DSCAM: variants seen among roughly 807,000 people sequenced by gnomAD.
The protein encoded by DSCAM is cell adhesion molecule DSCAM.
In DSCAM, 47 loss-of-function variants were observed where a neutral mutation model predicts 217.7. The observed-to-expected ratio is 0.22, with a 90% CI of 0.17 to 0.28. DSCAM has a LOEUF of 0.28. Among genes scored for constraint, DSCAM ranks in the 10% least tolerant of loss-of-function variants. The pLI is 1.00. For missense variants in DSCAM, 2,080 were observed against 2,618.3 expected (o/e 0.79, Z 4.49); for synonymous variants, 1,056 against 1,015.3 (o/e 1.04, Z -0.76).
intron 11 of DSCAM, among the ~76,000 whole-genome samples, chr21:40,250,647 C>T (rs999157781): frequency 6.6e-6 from 1 of 152,184 alleles, no homozygotes; most frequent in African/African-American, 2.4e-5. Context: ...AGGCAGCCCT[C>T]ACATTAAGAC....
chr21:40,197,897 T>C lies in DSCAM; in HGVS notation c.2357-8659A>G, dbSNP rs144898615. Among the ~76,000 whole-genome samples, 14 of 152,338 alleles carry C rather than the reference T, an allele frequency of 9.2e-5. No homozygotes were observed. In the East Asian group the frequency reaches 2.1e-3, roughly 23 times the overall value. On this transcript the variant is annotated intron_variant, in intron 11 of 32. Transcript: ENST00000400454. ...ATCTAGAAGGAGAATCCAGGTCTTC[T>C]GATTCCAAGTGCAAAGCCTCTTTCC...
intron 2 of DSCAM, among the ~76,000 whole-genome samples, chr21:40,708,030 C>A (rs73903008): frequency 6.6e-6 from 1 of 152,064 alleles, no homozygotes; most frequent in African/African-American, 2.4e-5. Context: ...AACAGTACAT[C>A]TTGATGCTAT....
At chr21:40,632,672 G>A (rs142806329) in intron 3 of DSCAM, among the ~76,000 whole-genome samples, 18 of 152,264 alleles carry the variant, frequency 1.2e-4, no homozygotes, top group African/African-American at 3.6e-4. Flanking sequence ...TTGCTTAGTC[G>A]GAAAATGCAA....
Position 40,339,361 on chromosome 21 carries a change from T to A in DSCAM, c.1265A>T (p.Glu422Val). 1.2e-6 allele frequency: 2 copies of A among 1,613,586 alleles called. No individual in the cohort carries two copies. Among genetic ancestry groups the A allele is most frequent in the Non-Finnish European group, 1.7e-6 (2 of 1,179,842 alleles). ...AFSEKVVSPA[E>V]PVSLMCNVKG... ...CACGTTGCACATAAGGGAAACCGGC[T>A]CTGCTGGACTCACCACCTTTTCACT... Residue 422 changes from glutamate (E) to valine (V), a missense_variant, in exon 7 of 33, where the codon GAG (glutamate) becomes GTG (valine). Glu to Val is a moderately radical substitution (Grantham distance 121, BLOSUM62 -2). Around this residue, in one of 5 missense-constraint regions of DSCAM, gnomAD observed 568 missense variants for 678.1 expected, o/e 0.84. Transcript: ENST00000400454.
intron 18 of DSCAM, among the ~76,000 whole-genome samples, 165 bp from the exon 19 acceptor site, chr21:40,134,174 C>T (rs1490885256): frequency 6.6e-6 from 1 of 152,196 alleles, no homozygotes; most frequent in Non-Finnish European, 1.5e-5. Flanking sequence ...CCTGTGAGCT[C>T]ATGGTGTCAC....
At chr21:40,606,778 C>A (rs2089245224) in intron 3 of DSCAM, among the ~76,000 whole-genome samples, 1 of 152,206 alleles carries the variant, frequency 6.6e-6, no homozygotes, top group Non-Finnish European at 1.5e-5. Context: ...TGTGTCATCA[C>A]CCAAAACTTA....
At chr21:40,709,514 G>T (rs772368548) in intron 1 of DSCAM, among the ~76,000 whole-genome samples, 28 of 151,746 alleles carry the variant, frequency 1.8e-4, no homozygotes, top group Admixed American at 6.6e-4. Context: ...AACAGGCCCC[G>T]GTGTGTGATG....
chr21:40,278,909 T>C (rs1371663153), intron 10 of DSCAM, among the ~76,000 whole-genome samples: 2 of 152,214 alleles, frequency 1.3e-5, no homozygotes, highest in Non-Finnish European at 2.9e-5. Flanking sequence ...CAAATTTGAA[T>C]TGTGGCCCAT....
At position 40,843,367 on chromosome 21, in the gene DSCAM, CATGT is replaced by C. The variant is rs1251280534; in HGVS notation, c.43+3248_43+3251del. Among the ~76,000 whole-genome samples the C allele has an allele frequency of 2.9e-5, 3 of 104,354 alleles. 1 individual carries two copies. Among genetic ancestry groups the C allele is most frequent in the Non-Finnish European group, 5.6e-5 (3 of 53,976 alleles). The allele number at this position is 104,354 out of a possible 152,430, so 68.5% of individuals were successfully genotyped here. On this transcript the variant is annotated intron_variant, in intron 1 of 32. Transcript: ENST00000400454. ...GAAAAGATGATGTCAGGAATGCATG[CATGT>C]GTGTGTGTGTGTGTGTGTGTGTGTG...
intron 3 of DSCAM, among the ~76,000 whole-genome samples, chr21:40,620,894 A>G (rs1291127622): frequency 2.0e-5 from 3 of 152,236 alleles, no homozygotes; most frequent in Non-Finnish European, 4.4e-5. Flanking sequence ...TTCCATTTAT[A>G]CAAGGGAATA....
At chr21:40,021,627 T>C (rs1328851335) in intron 32 of DSCAM, among the ~76,000 whole-genome samples, 4 of 152,230 alleles carry the variant, frequency 2.6e-5, no homozygotes, top group Non-Finnish European at 5.9e-5. Context: ...TTTTGCTTTC[T>C]TATTTGACAT....
intron 3 of DSCAM, among the ~76,000 whole-genome samples, chr21:40,489,793 A>AG (rs1178462695): frequency 1.3e-5 from 2 of 150,572 alleles, no homozygotes; most frequent in Non-Finnish European, 3.0e-5. Context: ...AAAAAAAAAA[A>AG]AAAAAAAATA....
chr21:40,824,403 A>ATTTTTTTTTTTTTTTTTTTTTTTTTT (rs536114434), intron 1 of DSCAM, among the ~76,000 whole-genome samples: 4 of 121,030 alleles, frequency 3.3e-5, no homozygotes, highest in African/African-American at 7.0e-5. Flanking sequence ...TTTATTATTG[A>ATTTTTTTTTTTTTTTTTTTTTTTTTT]TTTTTTTTTT....
Position 40,234,469 on chromosome 21 carries a change from C to T in DSCAM, c.2356+41628G>A, listed in dbSNP as rs73368120. 3.2e-3 allele frequency among the ~76,000 whole-genome samples: 491 copies of T among 152,290 alleles called. 2 individuals are homozygous for T. Among genetic ancestry groups the T allele is most frequent in the African/African-American group, 0.011 (471 of 41,564 alleles). On this transcript the variant is annotated intron_variant, in intron 11 of 32. Coordinates refer to ENST00000400454, the MANE Select transcript of DSCAM (RefSeq NM_001389.5). ...ACTTGTAAGAAAAGATCATTGTAAG[C>T]TATTACGTGCTTTTCCATACTTGGT...
chr21:40,605,256 A>C (rs976161953), intron 3 of DSCAM, among the ~76,000 whole-genome samples: 2 of 152,102 alleles, frequency 1.3e-5, no homozygotes, highest in African/African-American at 4.8e-5. Context: ...TGCCCCCTGT[A>C]AGCTGACCTT....
chr21:40,580,901 T>A (rs2076900314), intron 3 of DSCAM, among the ~76,000 whole-genome samples: 1 of 152,194 alleles, frequency 6.6e-6, no homozygotes, highest in African/African-American at 2.4e-5. Context: ...CATTTCTTTT[T>A]TGAAAAAGAA....
intron 1 of DSCAM, among the ~76,000 whole-genome samples, chr21:40,841,455 T>TG (rs1475221305): frequency 6.6e-6 from 1 of 152,068 alleles, no homozygotes; most frequent in Non-Finnish European, 1.5e-5. Context: ...TAAATATAGT[T>TG]GGGGGGAGGG....
At chr21:40,393,089 G>A (rs2205083) in intron 3 of DSCAM, among the ~76,000 whole-genome samples, 78,575 of 151,952 alleles carry the variant, frequency 0.52, 21,173 homozygotes, top group East Asian at 0.73. Context: ...CCCTAATATC[G>A]GCTCCAAATT....
At chr21:40,598,121 T>C (rs1354517298) in intron 3 of DSCAM, among the ~76,000 whole-genome samples, 1 of 152,234 alleles carries the variant, frequency 6.6e-6, no homozygotes, top group African/African-American at 2.4e-5. Flanking sequence ...CCTGCCACCT[T>C]CACATCCCTG....
Sources: allele counts gnomAD v4.1 joint callset (sites outside exome capture counted in the v4.1 genomes callset), GRCh38; gene constraint gnomAD v4.1.1; regional missense constraint gnomAD v4.1.1; transcripts MANE v1.5; gene names NCBI Gene and HGNC (gene_info 2026-07-23, HGNC 2026-07-21).